FRMPD3: variants seen among roughly 807,000 people sequenced by gnomAD.
FRMPD3 encodes FERM and PDZ domain containing 3, also known as FERM and PDZ domain-containing protein 3.
Under a neutral mutation model 97.9 loss-of-function variants are expected in FRMPD3, and 42 were observed. That is an observed-to-expected ratio of 0.43 (90% CI 0.34 to 0.55). The LOEUF is 0.55. Among genes scored for constraint, FRMPD3 ranks in the 20% least tolerant of loss-of-function variants. FRMPD3 has a pLI of 0.03. For missense variants in FRMPD3, 1,303 were observed against 1,457.7 expected (o/e 0.89, Z 1.73); for synonymous variants, 577 against 581.1 (o/e 0.99, Z 0.10).
intron 1 of FRMPD3, among the ~76,000 whole-genome samples, chrX:107,501,804 C>T (rs979301182): frequency 9.2e-6 from 1 of 108,214 alleles, no homozygotes; most frequent in Non-Finnish European, 1.9e-5. Context: ...TGCTTCTAGG[C>T]CAGCTTGGAC....
intron 12 of FRMPD3, among the ~76,000 whole-genome samples, chrX:107,575,126 T>A (rs1923052030): frequency 8.9e-6 from 1 of 112,437 alleles, no homozygotes; most frequent in African/African-American, 3.2e-5. Flanking sequence ...GATTTAGAGT[T>A]AGGAACAGAA....
chrX:107,542,586 A>G (rs1289701783), intron 4 of FRMPD3, among the ~76,000 whole-genome samples: 1 of 111,716 alleles, frequency 9.0e-6, no homozygotes, highest in African/African-American at 3.3e-5. Flanking sequence ...AGGTGAAAGA[A>G]GTGGTTTTTT....
In FRMPD3 at chrX:107,554,419, G is replaced by T. The variant is rs775403832; in HGVS notation, c.677G>T (p.Cys226Phe). ...VQRTHYHGMK[C>F]LFRISFFPKD... is the part of the protein sequence containing the mutation. Reference sequence around the variant, plus strand: ...CGGACACACTATCATGGAATGAAATGCCTCTTCCGAATAAGCTTCTTTCCC... The same window carrying T: ...CGGACACACTATCATGGAATGAAATTCCTCTTCCGAATAAGCTTCTTTCCC... Residue 226 changes from cysteine to phenylalanine, a missense_variant, in exon 8 of 15, where the codon TGC becomes TTC. By Grantham distance (205) the Cys-to-Phe change is radical. This residue lies in a region of FRMPD3 where 535 missense variants were observed against 618.6 expected (regional missense o/e 0.86). Coordinates refer to ENST00000683843, the MANE Select transcript of FRMPD3 (RefSeq NM_001388459.1). 1 of 1,209,029 alleles carries T rather than the reference G, an allele frequency of 8.3e-7. No individual in the cohort carries two copies. Among genetic ancestry groups the T allele is most frequent in the Non-Finnish European group, 1.1e-6 (1 of 894,276 alleles).
chrX:107,538,582 T>C (rs928341681), intron 4 of FRMPD3, among the ~76,000 whole-genome samples: 3 of 99,588 alleles, frequency 3.0e-5, no homozygotes, highest in Non-Finnish European at 6.1e-5. Flanking sequence ...GACCAGACAA[T>C]CTGCAAGTCT....
At chrX:107,582,317 G>A (rs1286698955) in intron 13 of FRMPD3, among the ~76,000 whole-genome samples, 5 of 111,048 alleles carry the variant, frequency 4.5e-5, no homozygotes, top group Non-Finnish European at 3.8e-5. Context: ...CTGAGTAGCT[G>A]GGATTACAGG....
chrX:107,602,379 C>T lies in FRMPD3; in HGVS notation c.4340C>T (p.Thr1447Met), dbSNP rs371181317. 34 of 1,208,900 alleles carry T rather than the reference C, an allele frequency of 2.8e-5. No homozygotes were observed. The African/African-American group carries it at 3.0e-4, about 11-fold the overall frequency. Residue 1447 changes from threonine (T) to methionine (M), a missense_variant, in exon 15 of 15, where the codon ACG (threonine) becomes ATG (methionine). Thr to Met is a moderately conservative substitution (Grantham distance 81). This residue lies in a region of FRMPD3 where 764 missense variants were observed against 820.2 expected (regional missense o/e 0.93). Coordinates refer to ENST00000683843, the MANE Select transcript of FRMPD3 (RefSeq NM_001388459.1). ...AAAAGCAGGTCTCTGGAGTCACCGA[C>T]GCTGGGAGACCCCTCCTACGTCCAG... ...GPKSRSLESP[T>M]LGDPSYVQVA... is the part of the protein sequence containing the mutation.
chrX:107,579,422 T>C (rs900060498), intron 13 of FRMPD3, among the ~76,000 whole-genome samples: 3 of 112,290 alleles, frequency 2.7e-5, no homozygotes, highest in Admixed American at 9.5e-5. Context: ...ACTACACTTA[T>C]TCACTTAACA....
chrX:107,561,645 T>C (rs1323162064), intron 10 of FRMPD3, among the ~76,000 whole-genome samples: 2 of 112,231 alleles, frequency 1.8e-5, no homozygotes, highest in Non-Finnish European at 3.8e-5. Flanking sequence ...AGGAGAGTGG[T>C]GAGACGCACT....
In FRMPD3 at chrX:107,584,211, A is replaced by G. The variant is rs371510851; in HGVS notation, c.1441+7752A>G. On this transcript the variant is annotated intron_variant, in intron 13 of 14. Transcript: ENST00000683843. ...TGTTGTTGTTGTTGAGCATTTTTTC[A>G]TATGTTCGTTGGCCGCGTAAATGTC... Among the ~76,000 whole-genome samples the G allele has an allele frequency of 7.3e-5, 8 of 110,145 alleles. No homozygotes were observed. The East Asian group carries it at 1.7e-3, about 23-fold the overall frequency.
chrX:107,456,400 C>G (rs1416425229), intron 1 of FRMPD3, among the ~76,000 whole-genome samples: 5 of 111,390 alleles, frequency 4.5e-5, no homozygotes, highest in Non-Finnish European at 9.4e-5. Flanking sequence ...TATAGTAACC[C>G]CCACATACTC....
chrX:107,461,062 G>T (rs1205442896), intron 1 of FRMPD3, among the ~76,000 whole-genome samples: 4 of 111,747 alleles, frequency 3.6e-5, no homozygotes, highest in Non-Finnish European at 7.5e-5. Context: ...TGGCTGTTGG[G>T]TCTGCTTTCT....
At chrX:107,467,023 T>TGTGAGA (rs1170634963) in intron 1 of FRMPD3, among the ~76,000 whole-genome samples, 1 of 98,318 alleles carries the variant, frequency 1.0e-5, no homozygotes, top group Non-Finnish European at 2.1e-5. Context: ...TGTGTGTGTG[T>TGTGAGA]GAGAGAGAGA....
At chrX:107,506,064 G>T (rs1219977271) in intron 1 of FRMPD3, among the ~76,000 whole-genome samples, 1 of 112,378 alleles carries the variant, frequency 8.9e-6, no homozygotes, top group Non-Finnish European at 1.9e-5. Context: ...GACACTTCTA[G>T]CATAACCCAG....
chrX:107,550,106 G>C lies in FRMPD3; in HGVS notation c.460G>C (p.Glu154Gln). The C allele has an allele frequency of 8.3e-7, 1 of 1,206,241 alleles. No individual in the cohort carries two copies. The highest frequency in any genetic ancestry group is 1.1e-6 in the Non-Finnish European group (1 of 892,092). ...CCCTAATGTCCTGAAGGTTTTCTTA[G>C]AAAATGGGCAGATCAAGTCATTCAC... ...LIPNVLKVFL[E>Q]NGQIKSFTFD... Residue 154 changes from glutamate (E) to glutamine (Q), a missense_variant, in exon 6 of 15, where the codon GAA becomes CAA. This residue lies in a region of FRMPD3 where 535 missense variants were observed against 618.6 expected (regional missense o/e 0.86). Coordinates refer to ENST00000683843, the MANE Select transcript of FRMPD3 (RefSeq NM_001388459.1).
intron 1 of FRMPD3, among the ~76,000 whole-genome samples, chrX:107,491,677 AG>A (rs1229329625): frequency 8.9e-6 from 1 of 112,041 alleles, no homozygotes; most frequent in Non-Finnish European, 1.9e-5. Flanking sequence ...CTAACTGGAT[AG>A]GGGCTGGAGT....
At chrX:107,561,912 A>G (rs904121621) in intron 10 of FRMPD3, among the ~76,000 whole-genome samples, 6 of 112,308 alleles carry the variant, frequency 5.3e-5, no homozygotes, top group Non-Finnish European at 1.1e-4. Context: ...GAAGATGAAG[A>G]GGGCCTGGTC....
chrX:107,574,512 G>A (rs142069688), intron 12 of FRMPD3, among the ~76,000 whole-genome samples: 103 of 112,183 alleles, frequency 9.2e-4, no homozygotes, highest in African/African-American at 3.2e-3. Context: ...TTACTCACTA[G>A]CCCTTTATAG....
In FRMPD3 at chrX:107,518,500, C is replaced by T. The variant is rs111370770; in HGVS notation, c.-7-8082C>T. Among the ~76,000 whole-genome samples the T allele has an allele frequency of 0.015, 1,705 of 110,713 alleles. 32 individuals are homozygous for T. The South Asian group carries it at 0.16, about 10-fold the overall frequency. ...CGTCACCCTGTGAATGTTGAATTCA[C>T]CAATAATGATATCAAGAGTTGGAGT... On this transcript the variant is annotated intron_variant, in intron 1 of 14. Coordinates refer to ENST00000683843, the MANE Select transcript of FRMPD3 (RefSeq NM_001388459.1).
intron 1 of FRMPD3, among the ~76,000 whole-genome samples, chrX:107,468,980 G>A (rs1450877135): frequency 8.9e-6 from 1 of 112,381 alleles, no homozygotes; most frequent in Admixed American, 9.4e-5. Flanking sequence ...ATTTTCAGGT[G>A]GGAGAAAATC....
Sources: gnomAD v4.1 joint callset for allele counts (sites outside exome capture counted in the v4.1 genomes callset) on GRCh38, gnomAD v4.1.1 for gene constraint, gnomAD v4.1.1 regional missense constraint, MANE v1.5 for transcripts, NCBI Gene and HGNC (gene_info 2026-07-23, HGNC 2026-07-21) for gene names.